The following VSNL1 variants were observed in gnomAD, a reference collection of about 807,000 sequenced individuals.
VSNL1 encodes the protein visinin-like protein 1.
In VSNL1, 6 loss-of-function variants were observed where a neutral mutation model predicts 20.4. The observed-to-expected ratio is 0.29, with a 90% CI of 0.16 to 0.58. The LOEUF (loss-of-function observed/expected upper bound fraction) is 0.58, where lower values mean the gene tolerates loss of function less well. VSNL1 is among the 20% of genes least tolerant of loss of function. The pLI, the probability that VSNL1 is intolerant of heterozygous loss-of-function variation, is 0.90. For missense variants in VSNL1, 100 were observed against 234.5 expected (o/e 0.43, Z 3.75); for synonymous variants, 93 against 86.4 (o/e 1.08, Z -0.42).
intron 1 of VSNL1, among the ~76,000 whole-genome samples, chr2:17,586,104 C>T (rs576293472): frequency 8.5e-5 from 13 of 152,246 alleles, no homozygotes; most frequent in South Asian, 2.1e-4. Context: ...CCACTGCACC[C>T]GGCCAATTTT....
intron 2 of VSNL1, among the ~76,000 whole-genome samples, chr2:17,627,441 C>G (rs1572208419): frequency 6.6e-6 from 1 of 152,340 alleles, no homozygotes; most frequent in East Asian, 1.9e-4. Context: ...GTGTAATACA[C>G]ACAGAGGTGT....
At chr2:17,619,707 T>C (rs1368359897) in intron 2 of VSNL1, among the ~76,000 whole-genome samples, 1 of 152,126 alleles carries the variant, frequency 6.6e-6, no homozygotes, top group Non-Finnish European at 1.5e-5. Flanking sequence ...GGCTCCCTCC[T>C]TGTGCTCCAT....
chr2:17,569,031 G>A (rs1290492155), intron 1 of VSNL1, among the ~76,000 whole-genome samples: 1 of 152,152 alleles, frequency 6.6e-6, no homozygotes, highest in African/African-American at 2.4e-5. Context: ...ATTGTCGCCA[G>A]GTATGGTGGC....
At chr2:17,626,687 A>C (rs1202058330) in intron 2 of VSNL1, among the ~76,000 whole-genome samples, 2 of 151,932 alleles carry the variant, frequency 1.3e-5, no homozygotes, top group Admixed American at 1.3e-4. Flanking sequence ...CTATCAACTT[A>C]TGGCTGACCC....
intron 2 of VSNL1, among the ~76,000 whole-genome samples, chr2:17,637,196 G>A (rs1441267024): frequency 1.3e-5 from 2 of 152,152 alleles, no homozygotes; most frequent in South Asian, 4.1e-4. Flanking sequence ...CCTGGCCCAG[G>A]GGAGCCCGGA....
At chr2:17,642,644 A>C (rs1665907354) in intron 2 of VSNL1, among the ~76,000 whole-genome samples, 1 of 152,122 alleles carries the variant, frequency 6.6e-6, no homozygotes, top group Non-Finnish European at 1.5e-5. Flanking sequence ...CTGGAAGGTA[A>C]GGAGGTTGGA....
At chr2:17,546,372 G>C (rs150799811) in intron 1 of VSNL1, among the ~76,000 whole-genome samples, 1 of 151,634 alleles carries the variant, frequency 6.6e-6, no homozygotes, top group African/African-American at 2.4e-5. Flanking sequence ...GGCTCTGAAA[G>C]ACTATGAACT....
chr2:17,624,606 AT>A (rs1324784704), intron 2 of VSNL1, among the ~76,000 whole-genome samples: 7 of 152,122 alleles, frequency 4.6e-5, no homozygotes, highest in Admixed American at 3.3e-4. Flanking sequence ...CAATGTGAGG[AT>A]TCCGTCTGCC....
chr2:17,597,677 A>G (rs60043652), intron 2 of VSNL1, among the ~76,000 whole-genome samples: 16,723 of 152,254 alleles, frequency 0.11, 1,190 homozygotes, highest in African/African-American at 0.2. Context: ...TATTTTGCTC[A>G]TTAGAAAACA....
chr2:17,623,108 G>C (rs1665424445), intron 2 of VSNL1, among the ~76,000 whole-genome samples: 1 of 152,122 alleles, frequency 6.6e-6, no homozygotes, highest in African/African-American at 2.4e-5. Context: ...AGTTGGCCAG[G>C]AGTTTAAGGA....
At chr2:17,616,515 A>G (rs1038323431) in intron 2 of VSNL1, among the ~76,000 whole-genome samples, 2 of 152,210 alleles carry the variant, frequency 1.3e-5, no homozygotes, top group Non-Finnish European at 1.5e-5. Context: ...ACTTCTCCAA[A>G]CACTGATGGA....
chr2:17,558,899 A>G (rs1282828394), intron 1 of VSNL1, among the ~76,000 whole-genome samples: 1 of 152,160 alleles, frequency 6.6e-6, no homozygotes, highest in African/African-American at 2.4e-5. Context: ...ATGATAGATG[A>G]TCCCAGATAA....
Position 17,649,653 on chromosome 2 carries a change from G to T in VSNL1, c.378+28G>T. On this transcript the variant is annotated intron_variant, in intron 3 of 3. Transcript: ENST00000295156. The surrounding 1 kb of genome is among the most constrained non-coding windows in gnomAD (Gnocchi z 6.4). ...GAGGCCCGGGGTGTGGTTGGCGGGT[G>T]GTGGGCACAGAAGGAGACCCCACGG... 6.2e-7 allele frequency: 1 copy of T among 1,611,548 alleles called. No individual in the cohort carries two copies. The highest frequency in any genetic ancestry group is 8.5e-7 in the Non-Finnish European group (1 of 1,178,488).
At chr2:17,594,211 C>T (rs1258566742) in intron 2 of VSNL1, among the ~76,000 whole-genome samples, 2 of 152,142 alleles carry the variant, frequency 1.3e-5, no homozygotes, top group African/African-American at 2.4e-5. Flanking sequence ...AAATCATCTC[C>T]CACCTCCCCA....
intron 2 of VSNL1, among the ~76,000 whole-genome samples, chr2:17,625,840 AT>A (rs35795117): frequency 0.32 from 34,253 of 108,476 alleles, 3,447 homozygotes; most frequent in Middle Eastern, 0.51. Context: ...TCCTTAGCTG[AT>A]TTTTTTTTTT....
chr2:17,606,161 A>T (rs1664939594), intron 2 of VSNL1, among the ~76,000 whole-genome samples: 1 of 152,210 alleles, frequency 6.6e-6, no homozygotes, highest in African/African-American at 2.4e-5. Context: ...GAGAGCCTTG[A>T]TGGAGATCTC....
At chr2:17,553,586 G>C (rs149993861) in intron 1 of VSNL1, among the ~76,000 whole-genome samples, 3 of 152,158 alleles carry the variant, frequency 2.0e-5, no homozygotes, top group African/African-American at 7.2e-5. Flanking sequence ...GGGTGTAAAA[G>C]GGAAGTTTTG....
At chr2:17,571,608 C>T (rs1664086305) in intron 1 of VSNL1, among the ~76,000 whole-genome samples, 2 of 152,182 alleles carry the variant, frequency 1.3e-5, no homozygotes, top group South Asian at 4.1e-4. Flanking sequence ...TAAGCACCTA[C>T]TCAGCACCAG....
intron 2 of VSNL1, among the ~76,000 whole-genome samples, chr2:17,605,196 A>C (rs574894643): frequency 2.2e-4 from 34 of 152,346 alleles, no homozygotes; most frequent in African/African-American, 7.7e-4. Context: ...CTGGGGATAG[A>C]GTATGGGGTT....
Sources: allele counts gnomAD v4.1 joint callset (sites outside exome capture counted in the v4.1 genomes callset), GRCh38; gene constraint gnomAD v4.1.1; non-coding constraint Gnocchi (gnomAD v3.1); transcripts MANE v1.5; gene names NCBI Gene and HGNC (gene_info 2026-07-23, HGNC 2026-07-21).